UMAD1: variants seen among roughly 807,000 people sequenced by gnomAD.
The protein encoded by UMAD1 is UBAP1-MVB12-associated (UMA) domain containing 1, also known as UBAP1-MVB12-associated (UMA)-domain containing protein 1.
UMAD1 carries 8 observed loss-of-function variants against 6.1 expected under a neutral mutation model. That is an observed-to-expected ratio of 1.30 (90% CI 0.76 to 2.35). UMAD1 has a LOEUF of 2.35. UMAD1 is among the 30% of genes most tolerant of loss of function. The probability of loss-of-function intolerance (pLI) is 0.00; values close to 1 mark genes in which losing one functional copy is unlikely to be tolerated. For synonymous variants in UMAD1, 56 were observed against 31.4 expected (o/e 1.78, Z -2.61); for missense variants, 130 against 78.4 (o/e 1.66, Z -2.49).
chr7:7,774,415 G>A (rs1037281844), intron 2 of UMAD1, among the ~76,000 whole-genome samples: 46 of 152,160 alleles, frequency 3.0e-4, no homozygotes, highest in African/African-American at 1.0e-3. Context: ...CTAGCCTAGC[G>A]TTGTGGGAAA....
At chr7:7,738,094 AT>A (rs1186729611) in intron 2 of UMAD1, among the ~76,000 whole-genome samples, 1 of 126,922 alleles carries the variant, frequency 7.9e-6, no homozygotes, top group Non-Finnish European at 1.7e-5. Context: ...AAACGGGTAT[AT>A]TTTTTTTGAA....
At chr7:7,696,269 T>C (rs1780314274) in intron 2 of UMAD1, among the ~76,000 whole-genome samples, 1 of 151,594 alleles carries the variant, frequency 6.6e-6, no homozygotes, top group African/African-American at 2.4e-5. Flanking sequence ...CTCACTCTTT[T>C]AGCCAAAGTT....
chr7:7,859,400 T>G (rs1166932464), intron 3 of UMAD1, among the ~76,000 whole-genome samples: 1 of 152,244 alleles, frequency 6.6e-6, no homozygotes, highest in Non-Finnish European at 1.5e-5. Context: ...ATATGAGTCC[T>G]TCACATAACC....
At chr7:7,763,375 C>G (rs1034343772) in intron 2 of UMAD1, among the ~76,000 whole-genome samples, 2 of 152,034 alleles carry the variant, frequency 1.3e-5, no homozygotes, top group African/African-American at 4.8e-5. Context: ...GGTAGTGACC[C>G]TAGTACTCAA....
chr7:7,711,407 A>C (rs920738436), intron 2 of UMAD1, among the ~76,000 whole-genome samples: 2 of 152,168 alleles, frequency 1.3e-5, no homozygotes, highest in Non-Finnish European at 2.9e-5. Flanking sequence ...AATCATGGCA[A>C]ATTTTTTTCC....
chr7:7,655,965 A>G (rs1376358102), intron 1 of UMAD1, among the ~76,000 whole-genome samples: 1 of 152,066 alleles, frequency 6.6e-6, no homozygotes, highest in East Asian at 1.9e-4. Context: ...CCTTCCGAGT[A>G]GCTGGGATTA....
intron 2 of UMAD1, among the ~76,000 whole-genome samples, chr7:7,701,319 A>G (rs1476462237): frequency 6.6e-6 from 1 of 152,182 alleles, no homozygotes; most frequent in Non-Finnish European, 1.5e-5. Context: ...AAACTAGGTT[A>G]GGGGACCTTA....
intron 2 of UMAD1, among the ~76,000 whole-genome samples, chr7:7,696,319 A>G: frequency 6.6e-6 from 1 of 151,766 alleles, no homozygotes; most frequent in East Asian, 1.9e-4. Context: ...AAAACACCCC[A>G]AAACAAATGT....
At chr7:7,825,570 T>C (rs1260908862) in intron 3 of UMAD1, among the ~76,000 whole-genome samples, 1 of 152,092 alleles carries the variant, frequency 6.6e-6, no homozygotes, top group African/African-American at 2.4e-5. Flanking sequence ...ATGAGACTTA[T>C]TCACTATCAT....
chr7:7,711,016 T>C (rs1392160137), intron 2 of UMAD1, among the ~76,000 whole-genome samples: 2 of 152,152 alleles, frequency 1.3e-5, no homozygotes, highest in African/African-American at 4.8e-5. Context: ...AGAGAAATCA[T>C]TGGTCGCCGG....
intron 2 of UMAD1, among the ~76,000 whole-genome samples, chr7:7,748,225 T>G (rs1317273065): frequency 6.6e-6 from 1 of 152,054 alleles, no homozygotes; most frequent in Non-Finnish European, 1.5e-5. Context: ...ATTACAGGCG[T>G]GAGCCACCGT....
At chr7:7,792,099 C>T (rs1450988582) in intron 2 of UMAD1, among the ~76,000 whole-genome samples, 2 of 152,222 alleles carry the variant, frequency 1.3e-5, no homozygotes, top group Non-Finnish European at 2.9e-5. Flanking sequence ...ATTCACTTTG[C>T]ATGTGCCAAT....
chr7:7,792,493 A>G (rs1372662618), intron 2 of UMAD1, among the ~76,000 whole-genome samples: 1 of 152,232 alleles, frequency 6.6e-6, no homozygotes, highest in African/African-American at 2.4e-5. Context: ...TGTGTTTAAA[A>G]CTGAATTGGT....
At chr7:7,841,887 G>A (rs1425512003) in intron 3 of UMAD1, among the ~76,000 whole-genome samples, 1 of 152,012 alleles carries the variant, frequency 6.6e-6, no homozygotes, top group East Asian at 1.9e-4. Flanking sequence ...AATAATTCAT[G>A]TCAGCTTGCA....
At chr7:7,795,189 A>G (rs549865932) in intron 2 of UMAD1, among the ~76,000 whole-genome samples, 1 of 152,236 alleles carries the variant, frequency 6.6e-6, no homozygotes, top group Non-Finnish European at 1.5e-5. Flanking sequence ...TCTCAGGCAC[A>G]CTTTCTCAGG....
At chr7:7,863,813 A>C (rs2115334645) in intron 3 of UMAD1, among the ~76,000 whole-genome samples, 1 of 152,310 alleles carries the variant, frequency 6.6e-6, no homozygotes, top group African/African-American at 2.4e-5. Flanking sequence ...TCTGTGGGGA[A>C]GTTTAAGGCA....
At chr7:7,794,342 C>G (rs1782627433) in intron 2 of UMAD1, among the ~76,000 whole-genome samples, 1 of 152,120 alleles carries the variant, frequency 6.6e-6, no homozygotes, top group South Asian at 2.1e-4. Context: ...AGACCAAACT[C>G]TCATCTTTAT....
intron 3 of UMAD1, among the ~76,000 whole-genome samples, chr7:7,828,045 G>A (rs1490661386): frequency 6.6e-6 from 1 of 152,138 alleles, no homozygotes; most frequent in African/African-American, 2.4e-5. Flanking sequence ...ATTGGGTAAT[G>A]TTTAAAAAGT....
At chr7:7,713,066 C>T (rs886863551) in intron 2 of UMAD1, among the ~76,000 whole-genome samples, 4 of 152,030 alleles carry the variant, frequency 2.6e-5, no homozygotes, top group South Asian at 2.1e-4. Flanking sequence ...GGGCCGCGCG[C>T]GGTGGCTCAC....
Sources: gnomAD v4.1 joint callset for allele counts (sites outside exome capture counted in the v4.1 genomes callset) on GRCh38, gnomAD v4.1.1 for gene constraint, MANE v1.5 for transcripts, NCBI Gene and HGNC (gene_info 2026-07-23, HGNC 2026-07-21) for gene names.